Variants in STX8 observed in about 807,000 individuals in gnomAD.
STX8 encodes the protein syntaxin 8, also known as syntaxin-8.
In STX8, 23 loss-of-function variants were observed where a neutral mutation model predicts 37.5. The observed-to-expected ratio is 0.61, with a 90% CI of 0.44 to 0.87. The LOEUF (loss-of-function observed/expected upper bound fraction) is 0.87, where lower values mean the gene tolerates loss of function less well. Among genes scored for constraint, STX8 ranks in the 40% least tolerant of loss-of-function variants. The pLI, the probability that STX8 is intolerant of heterozygous loss-of-function variation, is 0.00. For missense variants in STX8, 313 were observed against 284.7 expected, an observed-to-expected ratio of 1.10 and a Z score of -0.71; for synonymous variants, 115 against 99.1, an observed-to-expected ratio of 1.16 and a Z score of -0.95.
At chr17:9,355,567 A>G (rs1910852917) in intron 7 of STX8, among the ~76,000 whole-genome samples, 1 of 150,522 alleles carries the variant, frequency 6.6e-6, no homozygotes, top group Non-Finnish European at 1.5e-5. Context: ...CAATGGCGCA[A>G]TCTCGGCTCA....
At chr17:9,574,692 G>A (rs1907825986) in intron 1 of STX8, among the ~76,000 whole-genome samples, 1 of 152,054 alleles carries the variant, frequency 6.6e-6, no homozygotes, top group Non-Finnish European at 1.5e-5. Context: ...GTACTACCAT[G>A]CCCGGCTAAT....
chr17:9,438,961 T>A (rs1483920038), intron 6 of STX8, among the ~76,000 whole-genome samples: 1 of 151,948 alleles, frequency 6.6e-6, no homozygotes, highest in African/African-American at 2.4e-5. Flanking sequence ...AAAAAAACCA[T>A]AGTCAAACAA....
rs377022446 is a variant in STX8, at chr17:9,478,408, T to C, written c.541+13421A>G. 1.0e-3 allele frequency among the ~76,000 whole-genome samples: 159 copies of C among 152,334 alleles called. 5 individuals are homozygous for C. The South Asian group carries it at 0.032, about 31-fold the overall frequency. The stretch of plus-strand genomic sequence containing the variant: ...TCCTTGGCCTCCCAAAGTGCTGGGA[T>C]TACAGGCTCCAGCCACTGCGCCCAG... On this transcript the variant is annotated intron_variant, in intron 6 of 7. Transcript: ENST00000306357.
chr17:9,463,953 T>A (rs1905504482), intron 6 of STX8, among the ~76,000 whole-genome samples: 1 of 151,108 alleles, frequency 6.6e-6, no homozygotes, highest in South Asian at 2.1e-4. Flanking sequence ...TGTGCACCTG[T>A]AGTCCCAGCT....
chr17:9,327,394 GAGAAGGAGA>G (rs1909813950), intron 7 of STX8, among the ~76,000 whole-genome samples: 1 of 151,276 alleles, frequency 6.6e-6, no homozygotes, highest in South Asian at 2.1e-4. Context: ...GGGGGAGAGG[GAGAAGGAGA>G]AGAAGAAGAA....
At chr17:9,303,013 GAC>G (rs1908840813) in intron 7 of STX8, among the ~76,000 whole-genome samples, 1 of 149,666 alleles carries the variant, frequency 6.7e-6, no homozygotes, top group East Asian at 1.9e-4. Flanking sequence ...AAAAGGAAGA[GAC>G]AGGCACAGTG....
chr17:9,399,790 C>T (rs977353885), intron 6 of STX8, among the ~76,000 whole-genome samples: 7 of 149,760 alleles, frequency 4.7e-5, no homozygotes, highest in Admixed American at 1.3e-4. Flanking sequence ...CACTTGAACC[C>T]GGGAGGCAGA....
chr17:9,537,008 A>G (rs1906087828), intron 4 of STX8, among the ~76,000 whole-genome samples: 1 of 152,100 alleles, frequency 6.6e-6, no homozygotes, highest in African/African-American at 2.4e-5. Context: ...CTGGCCTCCC[A>G]AAGCGCTGGG....
At chr17:9,495,391 T>C (rs1386961010) in intron 5 of STX8, among the ~76,000 whole-genome samples, 1 of 152,130 alleles carries the variant, frequency 6.6e-6, no homozygotes, top group Non-Finnish European at 1.5e-5. Flanking sequence ...GAATAATCTA[T>C]ATATATAGGA....
intron 7 of STX8, among the ~76,000 whole-genome samples, chr17:9,272,090 G>A (rs562179540): frequency 3.9e-5 from 6 of 152,282 alleles, no homozygotes; most frequent in South Asian, 2.1e-4. Context: ...CCACACCCAC[G>A]CCAATATCCC....
intron 7 of STX8, among the ~76,000 whole-genome samples, chr17:9,255,645 T>G (rs1418978325): frequency 6.6e-6 from 1 of 152,120 alleles, no homozygotes; most frequent in Non-Finnish European, 1.5e-5. Context: ...TGTGATAAAC[T>G]GGGTTCTTGT....
intron 5 of STX8, among the ~76,000 whole-genome samples, chr17:9,493,529 A>G (rs1485683147): frequency 6.6e-6 from 1 of 152,120 alleles, no homozygotes; most frequent in African/African-American, 2.4e-5. Context: ...CCCCATGAAG[A>G]GTTTCCCCCA....
rs571362471 is a variant in STX8 at position 9,321,268 on chromosome 17, G to A, written c.643+57284C>T. 7.9e-5 allele frequency among the ~76,000 whole-genome samples: 12 copies of A among 152,094 alleles called. No individual in the cohort carries two copies. The South Asian group carries it at 1.7e-3, about 21-fold the overall frequency. ...AAATAGGCCAGGCGCAGTGGCTGAC[G>A]CCTGTAATCCCAGCACTTTGGGAGG... On this transcript the variant is annotated intron_variant, in intron 7 of 7. Coordinates refer to ENST00000306357, the MANE Select transcript of STX8 (RefSeq NM_004853.3).
chr17:9,279,026 A>G (rs1274870699), intron 7 of STX8, among the ~76,000 whole-genome samples: 5 of 151,316 alleles, frequency 3.3e-5, no homozygotes, highest in Non-Finnish European at 5.9e-5. Context: ...TGGTGTTACT[A>G]TTATTGTCAT....
intron 6 of STX8, among the ~76,000 whole-genome samples, chr17:9,398,006 A>AG (rs1912467527): frequency 1.3e-5 from 2 of 150,578 alleles, no homozygotes; most frequent in Admixed American, 1.3e-4. Context: ...AAAAAGAAAG[A>AG]AAGAACAAAC....
intron 6 of STX8, among the ~76,000 whole-genome samples, chr17:9,386,017 A>G (rs1290070596): frequency 2.0e-5 from 3 of 148,566 alleles, no homozygotes; most frequent in Non-Finnish European, 4.4e-5. Context: ...CAGGTGATCC[A>G]CCTGCCTCGG....
intron 4 of STX8, among the ~76,000 whole-genome samples, chr17:9,543,817 A>G (rs1220628450): frequency 6.6e-6 from 1 of 152,040 alleles, no homozygotes; most frequent in Non-Finnish European, 1.5e-5. Flanking sequence ...ACCCCTCCCT[A>G]ACTGACTCTT....
intron 7 of STX8, among the ~76,000 whole-genome samples, chr17:9,311,585 T>C (rs1670136963): frequency 6.6e-6 from 1 of 152,212 alleles, no homozygotes; most frequent in Admixed American, 6.5e-5. Context: ...GTGATTAAAA[T>C]AGACTGACGG....
At chr17:9,365,176 G>A (rs972116779) in intron 7 of STX8, among the ~76,000 whole-genome samples, 2 of 152,184 alleles carry the variant, frequency 1.3e-5, no homozygotes, top group Non-Finnish European at 2.9e-5. Flanking sequence ...TTTTTTTTAT[G>A]TGAATTTATT....
Sources: gnomAD v4.1 joint callset for allele counts (sites outside exome capture counted in the v4.1 genomes callset) on GRCh38, gnomAD v4.1.1 for gene constraint, MANE v1.5 for transcripts, NCBI Gene and HGNC (gene_info 2026-07-23, HGNC 2026-07-21) for gene names.